Variants in PDCD5 observed in about 807,000 individuals in gnomAD.
PDCD5 encodes the protein programmed cell death 5.
PDCD5 carries 23 observed loss-of-function variants against 21.9 expected under a neutral mutation model. That is an observed-to-expected ratio of 1.05 (90% CI 0.76 to 1.49). The LOEUF (loss-of-function observed/expected upper bound fraction) is 1.49, where lower values mean the gene tolerates loss of function less well. Ranked by LOEUF, PDCD5 falls within the 40% of genes most tolerant of loss-of-function variation. The pLI is 0.00. For missense variants in PDCD5, 152 were observed against 147.7 expected (o/e 1.03, Z -0.15); for synonymous variants, 45 against 49.4 (o/e 0.91, Z 0.37).
At position 32,587,369 on chromosome 19, in the gene PDCD5, A is replaced by T. The variant is rs1392169441; in HGVS notation, c.*69A>T. 9.2e-7 allele frequency: 1 copy of T among 1,083,048 alleles called. No homozygotes were observed. The highest frequency in any genetic ancestry group is 1.4e-6 in the Non-Finnish European group (1 of 720,406). 67.1% of individuals were successfully genotyped at this position (1,083,048 alleles called of 1,614,324 possible). ...GACAGAAGTTAAGATCTGATTATTT[A>T]CTTTGTTTATTGTCTATATGCCTTT... On this transcript the variant is annotated 3_prime_UTR_variant, in exon 6 of 6. Transcript: ENST00000590247.
At chr19:32,587,123 C>G in intron 5 of PDCD5, 130 bp from the exon 6 acceptor site, 1 of 820,652 alleles carries the variant, frequency 1.2e-6, no homozygotes, top group Non-Finnish European at 2.0e-6. Flanking sequence ...TCCATTCCCA[C>G]CCTTTTAGTT....
rs367669397 is a variant in PDCD5 at position 32,586,569 on chromosome 19, C to T, written c.259-289C>T. On this transcript the variant is annotated intron_variant, in intron 4 of 5. Transcript: ENST00000590247. ...CCGTGGTATATGTGGTTGTCACACTCAGCTAGTGATGATAAAGGTGTTCTT... is the reference window on the plus strand; with the variant it reads ...CCGTGGTATATGTGGTTGTCACACTTAGCTAGTGATGATAAAGGTGTTCTT... 1.1e-4 allele frequency: 125 copies of T among 1,154,506 alleles called. 1 individual carries two copies. The East Asian group carries it at 1.8e-3, about 17-fold the overall frequency. 71.5% of individuals were successfully genotyped at this position (1,154,506 alleles called of 1,614,324 possible).
chr19:32,584,555 C>T (rs1971458260), intron 2 of PDCD5, among the ~76,000 whole-genome samples: 1 of 152,174 alleles, frequency 6.6e-6, no homozygotes. Flanking sequence ...CCTCCTGGAT[C>T]TCAGCTTTAT....
intron 1 of PDCD5, 27 bp downstream of exon 1, chr19:32,581,354 T>A: frequency 6.9e-7 from 1 of 1,456,460 alleles, no homozygotes; most frequent in South Asian, 1.3e-5. Flanking sequence ...CCGCCAGGCT[T>A]GGCCCTCGCG....
At chr19:32,583,004 T>C (rs1172425379) in intron 2 of PDCD5, among the ~76,000 whole-genome samples, 2 of 152,220 alleles carry the variant, frequency 1.3e-5, no homozygotes, top group Non-Finnish European at 2.9e-5. Context: ...ATTTCTGCCG[T>C]GTACATCTTT....
intron 4 of PDCD5, chr19:32,586,264 T>C (rs1971475409): frequency 1.4e-6 from 2 of 1,422,812 alleles, no homozygotes; most frequent in South Asian, 1.5e-5. Flanking sequence ...GGTGCTAAGA[T>C]GCCTTGCTTA....
At chr19:32,587,007 C>A in intron 5 of PDCD5, 78 bp downstream of exon 5, 2 of 1,213,628 alleles carry the variant, frequency 1.6e-6, no homozygotes, top group Non-Finnish European at 2.4e-6. Context: ...ATCTACCACA[C>A]ATATTTTTCA....
chr19:32,586,950 G>A, intron 5 of PDCD5, 21 bp downstream of exon 5: 1 of 1,566,496 alleles, frequency 6.4e-7, no homozygotes, highest in Non-Finnish European at 8.7e-7. Flanking sequence ...CCAGATGCTT[G>A]TGGCAAATGA....
At chr19:32,581,772 T>A (rs1031485025) in intron 1 of PDCD5, 8 of 212,132 alleles carry the variant, frequency 3.8e-5, no homozygotes, top group Non-Finnish European at 1.8e-5. Context: ...CCCGCCGGGA[T>A]GACAGGGAGG....
chr19:32,581,357 C>T (rs1045913422), intron 1 of PDCD5, 30 bp downstream of exon 1: 40 of 1,448,702 alleles, frequency 2.8e-5, no homozygotes, highest in Admixed American at 7.1e-5. Flanking sequence ...CCAGGCTTGG[C>T]CCTCGCGGGG....
intron 2 of PDCD5, among the ~76,000 whole-genome samples, chr19:32,583,341 A>G (rs1232647242): frequency 2.0e-5 from 3 of 152,010 alleles, no homozygotes; most frequent in Admixed American, 6.6e-5. Flanking sequence ...CAGTGGTGGG[A>G]TCAGAACTCA....
chr19:32,582,455 C>T (rs1307192752), intron 2 of PDCD5, among the ~76,000 whole-genome samples: 1 of 152,144 alleles, frequency 6.6e-6, no homozygotes, highest in African/African-American at 2.4e-5. Flanking sequence ...TTCTCTGCTA[C>T]AATGTGAGTA....
Position 32,587,348 on chromosome 19 carries a change from GAAGTT to G in PDCD5, c.*52_*56del, listed in dbSNP as rs1350716828. The G allele has an allele frequency of 1.6e-6, 2 of 1,276,340 alleles. No homozygotes were observed. The highest frequency in any genetic ancestry group is 3.0e-5 in the African/African-American group (2 of 67,622). 79.1% of individuals were successfully genotyped at this position (1,276,340 alleles called of 1,614,324 possible). A position where few individuals can be genotyped will look rare whatever the true frequency, so the allele number is the denominator to read the frequency against. On this transcript the variant is annotated 3_prime_UTR_variant, in exon 6 of 6. Coordinates refer to ENST00000590247, the MANE Select transcript of PDCD5 (RefSeq NM_004708.4). ...AACTTAACGGAACAAGTCTAGGACA[GAAGTT>G]AAGATCTGATTATTTACTTTGTTTA...
chr19:32,587,353 T>C lies in PDCD5; in HGVS notation c.*53T>C. On this transcript the variant is annotated 3_prime_UTR_variant, in exon 6 of 6. Coordinates refer to ENST00000590247, the MANE Select transcript of PDCD5 (RefSeq NM_004708.4). The stretch of plus-strand genomic sequence containing the variant: ...AACGGAACAAGTCTAGGACAGAAGT[T>C]AAGATCTGATTATTTACTTTGTTTA... The C allele has an allele frequency of 1.7e-6, 2 of 1,200,754 alleles. No individual in the cohort carries two copies. Among genetic ancestry groups the C allele is most frequent in the Non-Finnish European group, 2.4e-6 (2 of 820,270 alleles). The allele number at this position is 1,200,754 out of a possible 1,614,324, so 74.4% of individuals were successfully genotyped here. A position where few individuals can be genotyped will look rare whatever the true frequency, so the allele number is the denominator to read the frequency against.
At chr19:32,584,724 C>A in intron 2 of PDCD5, 1 of 533,306 alleles carries the variant, frequency 1.9e-6, no homozygotes, top group Non-Finnish European at 3.3e-6. Flanking sequence ...GCTCACCTTC[C>A]AGCCTGGTAG....
rs769353763 is a variant in PDCD5 at position 32,581,225 on chromosome 19, A to T, written c.-37A>T. ...GCCGCGCTCGCGCCGAGGGGCTGCG[A>T]GAGTGACCGCGGCTGCTCCAGCGCT... is the stretch of plus-strand genomic sequence containing the variant. On this transcript the variant is annotated 5_prime_UTR_variant, in exon 1 of 6. Transcript: ENST00000590247. 8.3e-6 allele frequency: 12 copies of T among 1,450,258 alleles called. No homozygotes were observed. Among genetic ancestry groups the T allele is most frequent in the Non-Finnish European group, 1.1e-5 (12 of 1,093,954 alleles). The allele number at this position is 1,450,258 out of a possible 1,614,324, so 89.8% of individuals were successfully genotyped here.
rs930576458 is a variant in PDCD5, at chr19:32,586,275, T to C, written c.258+368T>C. On this transcript the variant is annotated intron_variant, in intron 4 of 5. Transcript: ENST00000590247. ...AGAAGGTGCTAAGATGCCTTGCTTATGTTCTCTGTGTTGCTGTAATACCAT... is the reference window on the plus strand; with the variant it reads ...AGAAGGTGCTAAGATGCCTTGCTTACGTTCTCTGTGTTGCTGTAATACCAT... 1.4e-5 allele frequency: 20 copies of C among 1,409,484 alleles called. No individual in the cohort carries two copies. In the Middle Eastern group the frequency reaches 7.9e-4, roughly 56 times the overall value. The allele number at this position is 1,409,484 out of a possible 1,614,324, so 87.3% of individuals were successfully genotyped here. A position where few individuals can be genotyped will look rare whatever the true frequency, so the allele number is the denominator to read the frequency against.
intron 2 of PDCD5, among the ~76,000 whole-genome samples, chr19:32,583,891 G>C (rs1971452868): frequency 6.6e-6 from 1 of 152,156 alleles, no homozygotes; most frequent in Non-Finnish European, 1.5e-5. Context: ...GAGTGCAGTG[G>C]CACAATCTTG....
chr19:32,586,882 A>G lies in PDCD5; in HGVS notation c.283A>G (p.Ile95Val), dbSNP rs946904915. ...GGTATCAGAACAAGGTTTAATAGAA[A>G]TCCTTAAAAAAGTAAGCCAACAAAC... ...EKVSEQGLIE[I>V]LKKVSQQTEK... is the part of the protein sequence containing the mutation. Residue 95 changes from isoleucine to valine, a missense_variant, in exon 5 of 6, where the codon ATC becomes GTC. Ile to Val is a conservative substitution (Grantham distance 29). Coordinates refer to ENST00000590247, the MANE Select transcript of PDCD5 (RefSeq NM_004708.4). The G allele has an allele frequency of 1.2e-6, 2 of 1,612,634 alleles. No homozygotes were observed. Among genetic ancestry groups the G allele is most frequent in the Non-Finnish European group, 1.7e-6 (2 of 1,179,612 alleles).
Sources: gnomAD v4.1 joint callset for allele counts (sites outside exome capture counted in the v4.1 genomes callset) on GRCh38, gnomAD v4.1.1 for gene constraint, MANE v1.5 for transcripts, NCBI Gene and HGNC (gene_info 2026-07-23, HGNC 2026-07-21) for gene names.